Variants in GABRG3 observed in about 807,000 individuals in gnomAD.
GABRG3 encodes the protein gamma-aminobutyric acid type A receptor subunit gamma3.
Under a neutral mutation model 48.8 loss-of-function variants are expected in GABRG3, and 25 were observed. The observed-to-expected ratio is 0.51, with a 90% CI of 0.37 to 0.72. The LOEUF is 0.72. Ranked by LOEUF, GABRG3 falls within the 30% of genes least tolerant of loss-of-function variation. The probability of loss-of-function intolerance (pLI) is 0.00; values close to 1 mark genes in which losing one functional copy is unlikely to be tolerated. For synonymous variants in GABRG3, 227 were observed against 217.6 expected (o/e 1.04, Z -0.38); for missense variants, 394 against 577.9 (o/e 0.68, Z 3.26).
chr15:26,987,711 A>C (rs1453957824), intron 2 of GABRG3, among the ~76,000 whole-genome samples: 2 of 152,176 alleles, frequency 1.3e-5, no homozygotes, highest in Admixed American at 1.3e-4. Flanking sequence ...CGTTCTGCTT[A>C]CTTTGTGTTT....
At chr15:27,251,959 G>A (rs547502121) in intron 3 of GABRG3, among the ~76,000 whole-genome samples, 85 of 152,344 alleles carry the variant, frequency 5.6e-4, no homozygotes, top group Admixed American at 1.4e-3. Flanking sequence ...CTGTGAGCCT[G>A]CGGGGACTTA....
chr15:27,059,435 C>T (rs1225558586), intron 3 of GABRG3, among the ~76,000 whole-genome samples: 1 of 152,094 alleles, frequency 6.6e-6, no homozygotes, highest in Non-Finnish European at 1.5e-5. Context: ...AAGCTGAATC[C>T]CAGTTATGAG....
intron 5 of GABRG3, among the ~76,000 whole-genome samples, chr15:27,336,234 G>A (rs1164670375): frequency 0.022 from 3,135 of 140,710 alleles, 114 homozygotes; most frequent in African/African-American, 0.082. Flanking sequence ...GAGAGAGAGA[G>A]GAGAAGAAAA....
intron 2 of GABRG3, among the ~76,000 whole-genome samples, chr15:27,003,222 TA>T (rs1486719651): frequency 2.7e-5 from 4 of 148,918 alleles, no homozygotes; most frequent in African/African-American, 9.8e-5. Flanking sequence ...TTTATTTATT[TA>T]TTTATTTATT....
At chr15:26,973,914 A>G (rs1226434777) in intron 1 of GABRG3, among the ~76,000 whole-genome samples, 1 of 152,234 alleles carries the variant, frequency 6.6e-6, no homozygotes, top group Non-Finnish European at 1.5e-5. Context: ...TGCAAGTAAC[A>G]GTGCTCATAA....
chr15:27,497,954 C>G, intron 6 of GABRG3, among the ~76,000 whole-genome samples: 1 of 152,174 alleles, frequency 6.6e-6, no homozygotes, highest in East Asian at 1.9e-4. Flanking sequence ...AGTTTGTTTA[C>G]TTAGGTCTGC....
At chr15:27,389,842 T>C (rs193050511) in intron 5 of GABRG3, among the ~76,000 whole-genome samples, 3 of 152,350 alleles carry the variant, frequency 2.0e-5, no homozygotes, top group Admixed American at 6.5e-5. Flanking sequence ...TGGTGTACTC[T>C]CTTTTATGGT....
intron 3 of GABRG3, among the ~76,000 whole-genome samples, chr15:27,059,745 T>C (rs1315273337): frequency 1.3e-5 from 2 of 152,358 alleles, no homozygotes; most frequent in Non-Finnish European, 2.9e-5. Flanking sequence ...GTCTGGGTCC[T>C]GGCAGACAAT....
At chr15:27,113,142 T>C (rs184695232) in intron 3 of GABRG3, among the ~76,000 whole-genome samples, 3 of 152,264 alleles carry the variant, frequency 2.0e-5, no homozygotes, top group Admixed American at 2.0e-4. Flanking sequence ...TTCATTCTAT[T>C]TGGACTATCT....
At chr15:27,028,374 G>T (rs1282899039) in intron 3 of GABRG3, among the ~76,000 whole-genome samples, 1 of 152,184 alleles carries the variant, frequency 6.6e-6, no homozygotes, top group Non-Finnish European at 1.5e-5. Flanking sequence ...GCACATGGGG[G>T]CAGCTGTGAC....
At chr15:27,524,872 C>T (rs573222223) in intron 7 of GABRG3, among the ~76,000 whole-genome samples, 6 of 152,158 alleles carry the variant, frequency 3.9e-5, no homozygotes, top group Admixed American at 2.0e-4. Context: ...TTAATAACTA[C>T]ATTCAATGTA....
At chr15:27,172,336 T>A (rs529211003) in intron 3 of GABRG3, among the ~76,000 whole-genome samples, 1 of 152,274 alleles carries the variant, frequency 6.6e-6, no homozygotes, top group East Asian at 1.9e-4. Flanking sequence ...TCCTTAGTTC[T>A]TAGTGTGCTT....
intron 3 of GABRG3, among the ~76,000 whole-genome samples, chr15:27,215,884 C>T (rs140163746): frequency 1.4e-4 from 21 of 152,272 alleles, no homozygotes; most frequent in East Asian, 7.7e-4. Flanking sequence ...TGAATATGTG[C>T]GTGTTGTTAC....
At chr15:27,460,354 G>C (rs1013922170) in intron 5 of GABRG3, among the ~76,000 whole-genome samples, 3 of 152,150 alleles carry the variant, frequency 2.0e-5, no homozygotes, top group African/African-American at 4.8e-5. Flanking sequence ...GCCAGACTGG[G>C]GTCTGCTTGG....
chr15:27,470,904 T>C (rs1287777371), intron 5 of GABRG3, among the ~76,000 whole-genome samples: 2 of 120,792 alleles, frequency 1.7e-5, no homozygotes, highest in Non-Finnish European at 3.1e-5. Context: ...AGTATATGGC[T>C]GTTTTTTTTG....
rs970686623 is a variant in GABRG3 at position 27,457,862 on chromosome 15, A to G, written c.575-22788A>G. Among the ~76,000 whole-genome samples the G allele has an allele frequency of 2.0e-5, 3 of 152,216 alleles. No homozygotes were observed. Among genetic ancestry groups the G allele is most frequent in the African/African-American group, 4.8e-5 (2 of 41,460 alleles). On this transcript the variant is annotated intron_variant, in intron 5 of 9. Transcript: ENST00000615808. The surrounding 1 kb of genome is among the most constrained non-coding windows in gnomAD (Gnocchi z 4.4). ...CACTCAGGGAAACCATCAGCTTTCA[A>G]TTGGAGTGTTCTCCTGACTCCACAT... is the stretch of plus-strand genomic sequence containing the variant.
intron 3 of GABRG3, among the ~76,000 whole-genome samples, chr15:27,189,048 C>T (rs918899613): frequency 2.6e-5 from 4 of 152,032 alleles, no homozygotes; most frequent in South Asian, 2.1e-4. Context: ...AGATATATGG[C>T]GTTGTTTCTG....
intron 5 of GABRG3, among the ~76,000 whole-genome samples, chr15:27,351,598 T>TTGTGTGTGTATGGTA (rs1266277288): frequency 7.2e-6 from 1 of 138,604 alleles, no homozygotes; most frequent in Non-Finnish European, 1.6e-5. Context: ...TGTATGGCGT[T>TTGTGTGTGTATGGTA]TGTGTGTGTA....
At chr15:27,013,960 C>T (rs1036516162) in intron 2 of GABRG3, among the ~76,000 whole-genome samples, 6 of 152,086 alleles carry the variant, frequency 3.9e-5, no homozygotes, top group African/African-American at 1.2e-4. Flanking sequence ...GGACTGACAT[C>T]TTAACAATAT....
Sources: allele counts gnomAD v4.1 joint callset (sites outside exome capture counted in the v4.1 genomes callset), GRCh38; gene constraint gnomAD v4.1.1; non-coding constraint Gnocchi (gnomAD v3.1); transcripts MANE v1.5; gene names NCBI Gene and HGNC (gene_info 2026-07-23, HGNC 2026-07-21).